CTNNA3: variants seen among roughly 807,000 people sequenced by gnomAD.
CTNNA3 encodes catenin alpha-3.
Under a neutral mutation model 95.7 loss-of-function variants are expected in CTNNA3, and 76 were observed. The observed-to-expected ratio is 0.79, with a 90% CI of 0.66 to 0.96. The LOEUF is 0.96. Ranked by LOEUF, CTNNA3 falls within the 40% of genes least tolerant of loss-of-function variation. The pLI, the probability that CTNNA3 is intolerant of heterozygous loss-of-function variation, is 0.00. For missense variants in CTNNA3, 1,191 were observed against 1,089.8 expected (o/e 1.09, Z -1.31); for synonymous variants, 431 against 374.4 (o/e 1.15, Z -1.74).
At chr10:67,496,331 G>A (rs1839021378) in intron 5 of CTNNA3, among the ~76,000 whole-genome samples, 1 of 152,088 alleles carries the variant, frequency 6.6e-6, no homozygotes, top group Admixed American at 6.6e-5. Flanking sequence ...TTACGGTTAG[G>A]AGAAAGATAG....
At chr10:66,920,104 C>G (rs1210279990) in intron 7 of CTNNA3, among the ~76,000 whole-genome samples, 2 of 152,102 alleles carry the variant, frequency 1.3e-5, no homozygotes, top group Non-Finnish European at 2.9e-5. Flanking sequence ...CCCTTGATAA[C>G]CCTTAATATA....
At chr10:67,592,384 T>C (rs1842816204) in intron 3 of CTNNA3, among the ~76,000 whole-genome samples, 3 of 152,150 alleles carry the variant, frequency 2.0e-5, no homozygotes, top group South Asian at 2.1e-4. Context: ...AGGAGTAAAA[T>C]TGCTGTAACA....
At chr10:67,704,576 G>A (rs1372787110) in intron 1 of CTNNA3, among the ~76,000 whole-genome samples, 4 of 152,206 alleles carry the variant, frequency 2.6e-5, no homozygotes, top group African/African-American at 9.6e-5. Flanking sequence ...CTAGCCATTT[G>A]TAGAAAGCTG....
intron 7 of CTNNA3, among the ~76,000 whole-genome samples, chr10:66,775,942 T>C (rs1840278028): frequency 6.6e-6 from 1 of 152,208 alleles, no homozygotes. Context: ...TGCAGAGCCA[T>C]ATTGGAATTT....
chr10:66,866,787 A>G (rs1589354879), intron 7 of CTNNA3, among the ~76,000 whole-genome samples: 1 of 152,186 alleles, frequency 6.6e-6, no homozygotes, highest in East Asian at 1.9e-4. Flanking sequence ...AAAATAAAAA[A>G]AGAAAAAGAA....
chr10:67,231,356 G>C (rs558212267), intron 5 of CTNNA3, among the ~76,000 whole-genome samples: 4 of 152,198 alleles, frequency 2.6e-5, no homozygotes, highest in Non-Finnish European at 5.9e-5. Context: ...TCCTCAAGTG[G>C]GTCCCTCACC....
At chr10:66,694,255 C>A (rs1402598545) in intron 9 of CTNNA3, among the ~76,000 whole-genome samples, 1 of 151,794 alleles carries the variant, frequency 6.6e-6, no homozygotes, top group Non-Finnish European at 1.5e-5. Flanking sequence ...ATCAAATAGA[C>A]ACAATAAAAA....
intron 10 of CTNNA3, among the ~76,000 whole-genome samples, chr10:66,574,388 G>T (rs1368662917): frequency 6.6e-6 from 1 of 151,752 alleles, no homozygotes; most frequent in Non-Finnish European, 1.5e-5. Flanking sequence ...TTTTTGTAAA[G>T]AAATAAAAGC....
At chr10:66,273,748 G>A (rs1270347701) in intron 13 of CTNNA3, among the ~76,000 whole-genome samples, 1 of 152,072 alleles carries the variant, frequency 6.6e-6, no homozygotes, top group Admixed American at 6.6e-5. Context: ...ATCAGGGCAT[G>A]AATATAAAAT....
At chr10:66,840,360 TCTCTCTCTCTCTCACACA>T (rs748763318) in intron 7 of CTNNA3, among the ~76,000 whole-genome samples, 1,297 of 118,556 alleles carry the variant, frequency 0.011, 19 homozygotes, top group African/African-American at 0.047. Context: ...TCTCTCTCTC[TCTCTCTCTCTCTCACACA>T]CACACACACA....
At chr10:67,571,836 C>A (rs1010719129) in intron 3 of CTNNA3, among the ~76,000 whole-genome samples, 2 of 152,178 alleles carry the variant, frequency 1.3e-5, no homozygotes, top group Non-Finnish European at 1.5e-5. Flanking sequence ...GACTGAGGAT[C>A]TGAATTTCTA....
At chr10:65,945,315 T>C (rs910178292) in intron 17 of CTNNA3, among the ~76,000 whole-genome samples, 2 of 152,168 alleles carry the variant, frequency 1.3e-5, no homozygotes, top group South Asian at 2.1e-4. Context: ...CGATGACACA[T>C]GCATCAGCAT....
At chr10:67,050,661 T>C (rs906186988) in intron 7 of CTNNA3, among the ~76,000 whole-genome samples, 2 of 152,194 alleles carry the variant, frequency 1.3e-5, no homozygotes, top group African/African-American at 4.8e-5. Flanking sequence ...GTGTCCTGCA[T>C]GGAATTTAAA....
Position 65,970,174 on chromosome 10 carries a change from C to A in CTNNA3, c.2266-3428G>T, listed in dbSNP as rs547511353. On this transcript the variant is annotated intron_variant, in intron 16 of 17. Coordinates refer to ENST00000433211, the MANE Select transcript of CTNNA3 (RefSeq NM_013266.4). ...AACAAAAAGTTCATATCCCACCAGG[C>A]TAAGCTTTATCACTGAAAGAGAAAT... 2.6e-5 allele frequency among the ~76,000 whole-genome samples: 4 copies of A among 152,130 alleles called. No homozygotes were observed. The East Asian group carries it at 7.7e-4, about 29-fold the overall frequency.
In CTNNA3 at chr10:66,796,924, A is replaced by G. The variant is rs1841217720; in HGVS notation, c.1048-21400T>C. Among the ~76,000 whole-genome samples, 3 of 151,988 alleles carry G rather than the reference A, an allele frequency of 2.0e-5. No individual in the cohort carries two copies. In the South Asian group the frequency reaches 6.2e-4, roughly 32 times the overall value. ...TTTAGCCTAGTACACACATGTTCTG[A>G]GCTGTGAAGGTTTTTCATGATTATT... is the stretch of plus-strand genomic sequence containing the variant. On this transcript the variant is annotated intron_variant, in intron 7 of 17. Coordinates refer to ENST00000433211, the MANE Select transcript of CTNNA3 (RefSeq NM_013266.4).
At chr10:66,995,850 A>G (rs1181273420) in intron 7 of CTNNA3, among the ~76,000 whole-genome samples, 1 of 152,230 alleles carries the variant, frequency 6.6e-6, no homozygotes, top group Non-Finnish European at 1.5e-5. Context: ...CCACAGAGGA[A>G]ATTATACACT....
At chr10:66,114,952 A>C (rs2082268082) in intron 13 of CTNNA3, among the ~76,000 whole-genome samples, 1 of 151,922 alleles carries the variant, frequency 6.6e-6, no homozygotes, top group African/African-American at 2.4e-5. Context: ...TATGGGTTGT[A>C]GAATATTATA....
intron 12 of CTNNA3, 79 bp from the exon 13 acceptor site, chr10:66,280,700 AT>A: frequency 3.4e-6 from 4 of 1,162,934 alleles, no homozygotes; most frequent in Non-Finnish European, 4.7e-6. Flanking sequence ...GAAATGTAGA[AT>A]TTGGTTTTAA....
chr10:66,457,640 T>TAA (rs1425381374), intron 11 of CTNNA3, among the ~76,000 whole-genome samples: 1 of 123,254 alleles, frequency 8.1e-6, no homozygotes, highest in Admixed American at 7.4e-5. Context: ...TTTGACTGGT[T>TAA]AAAAAAAAAA....
Sources: gnomAD v4.1 joint callset for allele counts (sites outside exome capture counted in the v4.1 genomes callset) on GRCh38, gnomAD v4.1.1 for gene constraint, MANE v1.5 for transcripts, NCBI Gene and HGNC (gene_info 2026-07-23, HGNC 2026-07-21) for gene names.